Variants in ZNF366 observed in about 807,000 individuals in gnomAD.
The protein encoded by ZNF366 is dendritic cell-specific transcript protein.
ZNF366 carries 20 observed loss-of-function variants against 47.2 expected under a neutral mutation model. The ratio of observed to expected loss-of-function variants is 0.42; its 90% CI spans 0.30 to 0.62. The LOEUF is 0.62. Among genes scored for constraint, ZNF366 ranks in the 20% least tolerant of loss-of-function variants. The pLI is 0.16. For missense variants in ZNF366, 987 were observed against 976.3 expected, an observed-to-expected ratio of 1.01 and a Z score of -0.15; for synonymous variants, 421 against 395.1, an observed-to-expected ratio of 1.07 and a Z score of -0.78.
At position 72,443,586 on chromosome 5, in the gene ZNF366, G is replaced by A. The variant is rs1188004170; in HGVS notation, c.*170C>T. 1.7e-5 allele frequency: 12 copies of A among 714,204 alleles called. 1 individual carries two copies. The highest frequency in any genetic ancestry group is 1.6e-4 in the South Asian group (8 of 50,700). The allele number at this position is 714,204 out of a possible 1,614,324, so 44.2% of individuals were successfully genotyped here. A position where few individuals can be genotyped will look rare whatever the true frequency, so the allele number is the denominator to read the frequency against. The stretch of plus-strand genomic sequence containing the variant: ...ATGTGTGAAGGGTATCAAGGGCCCC[G>A]TGAATGACCTGAGAAGGCTTTCCAT... On this transcript the variant is annotated 3_prime_UTR_variant, in exon 5 of 5. Coordinates refer to ENST00000318442, the MANE Select transcript of ZNF366 (RefSeq NM_152625.3).
rs1192254159 is a variant in ZNF366 at position 72,452,459 on chromosome 5, C to T, written c.1524+3945G>A. Among the ~76,000 whole-genome samples the T allele has an allele frequency of 2.0e-5, 3 of 152,180 alleles. No homozygotes were observed. In the East Asian group the frequency reaches 5.8e-4, roughly 29 times the overall value. ...GGAGGGCTTTGCTGCCAAAAGGCTG[C>T]TATCTGGTCACTGCCTTAACCCCCT... is the stretch of plus-strand genomic sequence containing the variant. On this transcript the variant is annotated intron_variant, in intron 3 of 4. Coordinates refer to ENST00000318442, the MANE Select transcript of ZNF366 (RefSeq NM_152625.3).
intron 1 of ZNF366, among the ~76,000 whole-genome samples, chr5:72,495,587 T>C (rs917027065): frequency 6.6e-6 from 1 of 152,114 alleles, no homozygotes; most frequent in African/African-American, 2.4e-5. Context: ...GTCAACTGAA[T>C]GGAAAGGAAC....
At chr5:72,495,540 A>G (rs910965929) in intron 1 of ZNF366, among the ~76,000 whole-genome samples, 1 of 152,162 alleles carries the variant, frequency 6.6e-6, no homozygotes, top group African/African-American at 2.4e-5. Flanking sequence ...CATATTTTAC[A>G]TATTTGACAA....
intron 2 of ZNF366, among the ~76,000 whole-genome samples, chr5:72,456,837 G>A (rs1043636426): frequency 6.6e-6 from 1 of 152,064 alleles, no homozygotes; most frequent in Non-Finnish European, 1.5e-5. Flanking sequence ...GGAAAAGAAA[G>A]CTCTTGCTTT....
chr5:72,482,477 G>A (rs1743807840), intron 1 of ZNF366, among the ~76,000 whole-genome samples: 1 of 152,178 alleles, frequency 6.6e-6, no homozygotes, highest in African/African-American at 2.4e-5. Context: ...CTCTGATTTA[G>A]GTAGCATAAG....
intron 1 of ZNF366, among the ~76,000 whole-genome samples, chr5:72,481,052 A>G (rs1743780926): frequency 6.6e-6 from 1 of 152,180 alleles, no homozygotes; most frequent in Non-Finnish European, 1.5e-5. Context: ...GACACCCTAA[A>G]ACGGACAGGT....
intron 1 of ZNF366, among the ~76,000 whole-genome samples, chr5:72,465,377 T>G (rs1038896427): frequency 6.7e-6 from 1 of 149,956 alleles, no homozygotes; most frequent in Non-Finnish European, 1.5e-5. Context: ...GGAAGGGGAG[T>G]GTTGAAGGGA....
In ZNF366 at chr5:72,442,841, AGTAGAGAAGGG is replaced by A. The variant is rs944068158; in HGVS notation, c.*904_*914del. On this transcript the variant is annotated 3_prime_UTR_variant, in exon 5 of 5. Transcript: ENST00000318442. ...ATGCCTGGCTAATTTTTGTATTTTT[AGTAGAGAAGGG>A]GTTTTGCCACGTTGGCCAGGTTGGT... The A allele has an allele frequency of 6.6e-6, 1 of 152,076 alleles. No individual in the cohort carries two copies. The highest frequency in any genetic ancestry group is 1.5e-5 in the Non-Finnish European group (1 of 68,070). The allele number at this position is 152,076 out of a possible 1,614,324, so 9.4% of individuals were successfully genotyped here.
intron 1 of ZNF366, among the ~76,000 whole-genome samples, chr5:72,475,187 G>A (rs1743648544): frequency 6.6e-6 from 1 of 152,192 alleles, no homozygotes; most frequent in Admixed American, 6.5e-5. Flanking sequence ...CAATCCTGAA[G>A]CCCGCAGCCT....
intron 1 of ZNF366, among the ~76,000 whole-genome samples, chr5:72,487,314 T>A (rs370884877): frequency 6.6e-6 from 1 of 152,240 alleles, no homozygotes; most frequent in African/African-American, 2.4e-5. Flanking sequence ...CTTTATGGAT[T>A]GGACCCCAGC....
intron 1 of ZNF366, among the ~76,000 whole-genome samples, chr5:72,476,044 C>A (rs941491361): frequency 6.6e-6 from 1 of 152,092 alleles, no homozygotes; most frequent in African/African-American, 2.4e-5. Context: ...TCTTTCACAG[C>A]CTCAAGTTTT....
intron 1 of ZNF366, among the ~76,000 whole-genome samples, chr5:72,506,184 A>G (rs1329134591): frequency 6.6e-6 from 1 of 152,254 alleles, no homozygotes; most frequent in Non-Finnish European, 1.5e-5. Flanking sequence ...ATAGCAGTGA[A>G]TATTTTTAAA....
chr5:72,487,381 G>T (rs893887765), intron 1 of ZNF366, among the ~76,000 whole-genome samples: 1 of 152,152 alleles, frequency 6.6e-6, no homozygotes, highest in Non-Finnish European at 1.5e-5. Context: ...AAAGTACTTT[G>T]TCTTTTTTAA....
At chr5:72,462,550 T>TTCTTTCTTTCTTTCTTTC (rs1743344536) in intron 1 of ZNF366, among the ~76,000 whole-genome samples, 1 of 133,856 alleles carries the variant, frequency 7.5e-6, no homozygotes, top group Non-Finnish European at 1.6e-5. Context: ...TTTCTTTCTT[T>TTCTTTCTTTCTTTCTTTC]TTTTTTTTTT....
At chr5:72,472,712 G>A (rs996082458) in intron 1 of ZNF366, 6 of 437,400 alleles carry the variant, frequency 1.4e-5, no homozygotes, top group African/African-American at 1.1e-4. Flanking sequence ...TTTCTCCCTG[G>A]CTTCTTCCCC....
chr5:72,506,426 A>G (rs531521923), intron 1 of ZNF366, among the ~76,000 whole-genome samples: 14 of 152,320 alleles, frequency 9.2e-5, no homozygotes, highest in African/African-American at 2.6e-4. Flanking sequence ...TAGCTTGACT[A>G]GCTTGCTACG....
intron 1 of ZNF366, among the ~76,000 whole-genome samples, chr5:72,506,554 C>T (rs1287230290): frequency 6.6e-6 from 1 of 152,162 alleles, no homozygotes; most frequent in East Asian, 1.9e-4. Flanking sequence ...ATTCTAGCTG[C>T]ATATTGTTTT....
intron 3 of ZNF366, among the ~76,000 whole-genome samples, chr5:72,454,060 T>C (rs1743132130): frequency 6.6e-6 from 1 of 152,190 alleles, no homozygotes; most frequent in African/African-American, 2.4e-5. Flanking sequence ...AAATATAAGC[T>C]GTGCATTGTT....
chr5:72,451,963 C>T (rs1743081522), intron 3 of ZNF366, among the ~76,000 whole-genome samples: 1 of 152,210 alleles, frequency 6.6e-6, no homozygotes, highest in African/African-American at 2.4e-5. Flanking sequence ...CCATGAACCC[C>T]AGTGGCCATG....
Sources: allele counts gnomAD v4.1 joint callset (sites outside exome capture counted in the v4.1 genomes callset), GRCh38; gene constraint gnomAD v4.1.1; transcripts MANE v1.5; gene names NCBI Gene and HGNC (gene_info 2026-07-23, HGNC 2026-07-21).